The following MAMDC2 variants were observed in gnomAD, a reference collection of about 807,000 sequenced individuals.
The protein encoded by MAMDC2 is MAM domain-containing protein 2.
In MAMDC2, 57 loss-of-function variants were observed where a neutral mutation model predicts 89.8. The ratio of observed to expected loss-of-function variants is 0.63; its 90% CI spans 0.51 to 0.79. The LOEUF is 0.79. MAMDC2 is among the 30% of genes least tolerant of loss of function. The probability of loss-of-function intolerance (pLI) is 0.00; values close to 1 mark genes in which losing one functional copy is unlikely to be tolerated. For missense variants in MAMDC2, 800 were observed against 820.6 expected, an observed-to-expected ratio of 0.97 and a Z score of 0.31; for synonymous variants, 313 against 293.4, an observed-to-expected ratio of 1.07 and a Z score of -0.68.
intron 10 of MAMDC2, 74 bp from the exon 11 acceptor site, chr9:70,170,405 G>A (rs1232396331): frequency 1.3e-6 from 2 of 1,498,384 alleles, no homozygotes; most frequent in Non-Finnish European, 1.8e-6. Flanking sequence ...ATTCATACAT[G>A]CAGAGTGGGC....
intron 2 of MAMDC2, chr9:70,071,462 T>C (rs1312260394): frequency 1.3e-5 from 2 of 152,220 alleles, no homozygotes; most frequent in Non-Finnish European, 2.9e-5. Context: ...AGGATTGAAA[T>C]GACTGCTTAT....
intron 1 of MAMDC2, 71 bp from the exon 2 acceptor site, chr9:70,044,513 C>A: frequency 7.9e-7 from 1 of 1,262,046 alleles, no homozygotes. Context: ...AGGTAGTCCC[C>A]CTGGGGCTCC....
chr9:70,071,887 T>C (rs1827418900), intron 2 of MAMDC2: 1 of 152,188 alleles, frequency 6.6e-6, no homozygotes, highest in South Asian at 2.1e-4. Flanking sequence ...TTCTCTTTAA[T>C]TTACCTAAAA....
intron 5 of MAMDC2, among the ~76,000 whole-genome samples, chr9:70,114,082 G>C (rs1410708299): frequency 6.6e-6 from 1 of 151,106 alleles, no homozygotes; most frequent in African/African-American, 2.4e-5. Flanking sequence ...ATTTAACCAT[G>C]TCTCCAACTC....
chr9:70,213,733 G>A (rs2033398603), intron 11 of MAMDC2, among the ~76,000 whole-genome samples: 1 of 93,302 alleles, frequency 1.1e-5, no homozygotes, highest in Non-Finnish European at 2.1e-5. Flanking sequence ...GCCAGTGAAA[G>A]AATGAAGGTA....
intron 2 of MAMDC2, among the ~76,000 whole-genome samples, chr9:70,082,422 A>G (rs2118135659): frequency 6.6e-6 from 1 of 152,276 alleles, no homozygotes; most frequent in South Asian, 2.1e-4. Context: ...CATCTTCAAA[A>G]GCCAAGCTTC....
rs1178470614 is a variant in MAMDC2, at chr9:70,044,166, C to G, written c.-32C>G. ...GTCCCAGCGGGCTGGCAACTTGCAC[C>G]CCTTCCTAGTCATCCTCCCTGAAAC... On this transcript the variant is annotated 5_prime_UTR_variant, in exon 1 of 14. Transcript: ENST00000377182. 1.2e-6 allele frequency: 2 copies of G among 1,613,538 alleles called. No homozygotes were observed. Among genetic ancestry groups the G allele is most frequent in the Non-Finnish European group, 1.7e-6 (2 of 1,179,874 alleles).
Position 70,218,409 on chromosome 9 carries a change from G to A in MAMDC2, c.1724G>A (p.Arg575Gln), listed in dbSNP as rs770645940. Residue 575 changes from arginine (R) to glutamine (Q), a missense_variant, in exon 12 of 14, where the codon CGA becomes CAA. Coordinates refer to ENST00000377182, the MANE Select transcript of MAMDC2 (RefSeq NM_153267.5). ...GCACGCCTCTTGTCCAGGCCTCTGC[G>A]AGGAGTCTCTGGAAAACACTGCTTG... ...QKARLLSRPL[R>Q]GVSGKHCLTF... 12 of 1,614,182 alleles carry A rather than the reference G, an allele frequency of 7.4e-6. No individual in the cohort carries two copies. The South Asian group carries it at 8.8e-5, about 12-fold the overall frequency.
At chr9:70,209,086 A>C (rs2033295316) in intron 11 of MAMDC2, among the ~76,000 whole-genome samples, 2 of 152,150 alleles carry the variant, frequency 1.3e-5, no homozygotes, top group East Asian at 3.9e-4. Flanking sequence ...ATTGGTCTAA[A>C]ATTTGCTTTT....
intron 11 of MAMDC2, among the ~76,000 whole-genome samples, chr9:70,171,469 A>G (rs1443811705): frequency 6.6e-6 from 1 of 152,170 alleles, no homozygotes; most frequent in African/African-American, 2.4e-5. Context: ...CATTGCACCC[A>G]GCTTGGGTGA....
Position 70,218,329 on chromosome 9 carries a change from A to T in MAMDC2, c.1652-8A>T. 1.9e-6 allele frequency: 3 copies of T among 1,590,780 alleles called. No individual in the cohort carries two copies. Among genetic ancestry groups the T allele is most frequent in the Non-Finnish European group, 2.6e-6 (3 of 1,165,834 alleles). On this transcript the variant is annotated splice_polypyrimidine_tract_variant and splice_region_variant and intron_variant, in intron 11 of 13. Transcript: ENST00000377182. ...TTTAACAATACCTGCTTTTGCATTC[A>T]CCTCAAGGCTACTACATGTACATTG...
intron 9 of MAMDC2, among the ~76,000 whole-genome samples, chr9:70,145,789 G>A (rs1176311530): frequency 6.6e-6 from 1 of 151,302 alleles, no homozygotes; most frequent in Non-Finnish European, 1.5e-5. Flanking sequence ...TGTTTATTAG[G>A]TATATGCTCA....
chr9:70,077,278 T>C (rs1167488504), intron 2 of MAMDC2, among the ~76,000 whole-genome samples: 2 of 152,220 alleles, frequency 1.3e-5, no homozygotes, highest in African/African-American at 4.8e-5. Flanking sequence ...AAACCCTCCT[T>C]CTTCCTCCCT....
In MAMDC2 at chr9:70,082,330, T is replaced by C. The variant is rs540297897; in HGVS notation, c.149-25881T>C. ...AAGATGGTGTGGGTAACAGCCCTTA[T>C]GTAAGCTACAGAAATCTCTATGAAT... On this transcript the variant is annotated intron_variant, in intron 2 of 13. Transcript: ENST00000377182. 5.3e-5 allele frequency among the ~76,000 whole-genome samples: 8 copies of C among 152,296 alleles called. No individual in the cohort carries two copies. In the South Asian group the frequency reaches 1.7e-3, roughly 32 times the overall value.
chr9:70,118,503 A>C (rs545227607), intron 5 of MAMDC2, among the ~76,000 whole-genome samples: 45 of 152,296 alleles, frequency 3.0e-4, no homozygotes, highest in African/African-American at 1.0e-3. Flanking sequence ...AAAACAAAAT[A>C]AACCCTCCAA....
intron 11 of MAMDC2, 198 bp downstream of exon 11, chr9:70,170,829 C>T (rs1356292279): frequency 4.2e-6 from 2 of 479,732 alleles, no homozygotes; most frequent in Non-Finnish European, 7.1e-6. Flanking sequence ...TGCTTATGTA[C>T]ATTGCTGCAG....
intron 11 of MAMDC2, chr9:70,217,628 C>A: frequency 6.2e-7 from 1 of 1,610,754 alleles, no homozygotes; most frequent in South Asian, 1.1e-5. Flanking sequence ...ATTGTGAAGC[C>A]TGTGAAAGTT....
intron 2 of MAMDC2, chr9:70,081,801 C>T (rs960159434): frequency 6.6e-5 from 10 of 152,034 alleles, no homozygotes; most frequent in Non-Finnish European, 1.5e-4. Flanking sequence ...ATCATATGAG[C>T]TAGCCCCAGG....
At chr9:70,190,151 TTG>T (rs1563993044) in intron 11 of MAMDC2, among the ~76,000 whole-genome samples, 1 of 152,178 alleles carries the variant, frequency 6.6e-6, no homozygotes, top group African/African-American at 2.4e-5. Context: ...TCCTATTTCT[TTG>T]TGTGTCTCAT....
Sources: allele counts gnomAD v4.1 joint callset (sites outside exome capture counted in the v4.1 genomes callset), GRCh38; gene constraint gnomAD v4.1.1; transcripts MANE v1.5; gene names NCBI Gene and HGNC (gene_info 2026-07-23, HGNC 2026-07-21).